The following CHD7 variants were observed in gnomAD, a reference collection of about 807,000 sequenced individuals.
CHD7 encodes the protein ATP-dependent chromatin remodeler CHD7.
In CHD7, 24 loss-of-function variants were observed where a neutral mutation model predicts 307.3. The observed-to-expected ratio is 0.08, with a 90% CI of 0.06 to 0.11. CHD7 has a LOEUF of 0.11. Among genes scored for constraint, CHD7 ranks in the 10% least tolerant of loss-of-function variants. The pLI is 1.00. For missense variants in CHD7, 3,106 were observed against 3,727.1 expected, an observed-to-expected ratio of 0.83 and a Z score of 4.34; for synonymous variants, 1,363 against 1,349.9, an observed-to-expected ratio of 1.01 and a Z score of -0.21.
At chr8:60,740,459 T>C (rs1381503906) in intron 1 of CHD7, among the ~76,000 whole-genome samples, 1 of 152,166 alleles carries the variant, frequency 6.6e-6, no homozygotes, top group Non-Finnish European at 1.5e-5. Flanking sequence ...ATGAGCCTGG[T>C]GATTGGGCTG....
At chr8:60,714,366 C>T (rs1460302592) in intron 1 of CHD7, among the ~76,000 whole-genome samples, 3 of 130,198 alleles carry the variant, frequency 2.3e-5, no homozygotes, top group Non-Finnish European at 3.1e-5. Context: ...ACCGGAAGGC[C>T]GAGCCCCACC....
intron 3 of CHD7, among the ~76,000 whole-genome samples, chr8:60,787,575 G>A (rs1811552232): frequency 6.6e-6 from 1 of 151,928 alleles, no homozygotes; most frequent in South Asian, 2.1e-4. Flanking sequence ...CTTTTTTTAA[G>A]TAAGACAACA....
intron 1 of CHD7, among the ~76,000 whole-genome samples, chr8:60,689,568 G>A (rs749458037): frequency 2.0e-5 from 3 of 152,178 alleles, no homozygotes; most frequent in Non-Finnish European, 2.9e-5. Context: ...AATTGCTTTG[G>A]ATAGTCCCAT....
chr8:60,728,464 C>T (rs1427432776), intron 1 of CHD7, among the ~76,000 whole-genome samples: 2 of 152,148 alleles, frequency 1.3e-5, no homozygotes, highest in African/African-American at 2.4e-5. Context: ...TGGCTAATTC[C>T]ACACCTATTT....
At position 60,865,898 on chromosome 8, in the gene CHD7, G is replaced by A. The variant is rs758498085; in HGVS notation, c.8959G>A (p.Gly2987Arg). ...TGAAGAGCTAGACTCACTTGATGGG[G>A]GGGATGAAATAGAAAACAATGAAAA... is the stretch of plus-strand genomic sequence containing the variant. ...QGEELDSLDGGDEIENNENDE is the reference protein window; with the variant it reads ...QGEELDSLDGRDEIENNENDE The change falls in exon 38 of 38, where the codon GGG becomes AGG. Residue 2987 changes from glycine to arginine, a missense_variant. Gly to Arg is a moderately radical substitution (Grantham distance 125, BLOSUM62 -2). Transcript: ENST00000423902. This position sits in a 1 kb window ranked among gnomAD's most constrained non-coding sequence, Gnocchi z 4.3. 1 of 1,608,844 alleles carries A rather than the reference G, an allele frequency of 6.2e-7. No individual in the cohort carries two copies. The highest frequency in any genetic ancestry group is 8.5e-7 in the Non-Finnish European group (1 of 1,177,514).
intron 2 of CHD7, among the ~76,000 whole-genome samples, chr8:60,766,435 G>A (rs1303243922): frequency 1.3e-5 from 2 of 152,216 alleles, no homozygotes; most frequent in Non-Finnish European, 1.5e-5. Context: ...AACGTGATGC[G>A]ATCTGATTTG....
chr8:60,753,167 GATGCTAAGTAGTATTTC>G lies in CHD7; in HGVS notation c.1665+10073_1665+10089del, dbSNP rs1251969892. Among the ~76,000 whole-genome samples, 6 of 152,182 alleles carry G rather than the reference GATGCTAAGTAGTATTTC, an allele frequency of 3.9e-5. 1 individual carries two copies. Among genetic ancestry groups the G allele is most frequent in the African/African-American group, 1.4e-4 (6 of 41,434 alleles). ...TAGGGAAAGTGTTTTATTTAAGTAA[GATGCTAAGTAGTATTTC>G]ATTTTTGTCATCGATTTCTCTGAAT... On this transcript the variant is annotated intron_variant, in intron 2 of 37. Transcript: ENST00000423902.
Position 60,836,928 on chromosome 8 carries a change from G to A in CHD7, c.4101G>A (p.Arg1367=), listed in dbSNP as rs762108950. Residue 1367 remains arginine (R), a synonymous_variant, in exon 17 of 38, where the codon AGG becomes AGA. Transcript: ENST00000423902. ...GGTTTGTTTTCCTCCTGTGTACAAG[G>A]GCAGGAGGTTTAGGCATTAACCTCA... ...SDRFVFLLCT[R]AGGLGINLTA... is the part of the protein sequence containing the mutation. The A allele has an allele frequency of 5.0e-6, 8 of 1,613,354 alleles. No homozygotes were observed. The South Asian group carries it at 7.7e-5, about 16-fold the overall frequency.
At chr8:60,775,060 C>A (rs1441430461) in intron 2 of CHD7, among the ~76,000 whole-genome samples, 1 of 151,842 alleles carries the variant, frequency 6.6e-6, no homozygotes, top group Non-Finnish European at 1.5e-5. Flanking sequence ...AAAGGTGGCT[C>A]ATGTTAATTT....
intron 2 of CHD7, among the ~76,000 whole-genome samples, chr8:60,754,342 G>T (rs541653716): frequency 3.9e-5 from 6 of 152,192 alleles, no homozygotes; most frequent in Non-Finnish European, 7.3e-5. Flanking sequence ...CGATTATACA[G>T]AATTATGAGA....
chr8:60,789,249 C>T (rs1005836751), intron 3 of CHD7, among the ~76,000 whole-genome samples: 5 of 152,302 alleles, frequency 3.3e-5, no homozygotes, highest in Admixed American at 3.3e-4. Flanking sequence ...GCATCCCATG[C>T]CACAAAAACA....
chr8:60,848,663 A>G (rs1805317401), intron 24 of CHD7, 59 bp downstream of exon 24: 1 of 1,324,442 alleles, frequency 7.6e-7, no homozygotes, highest in African/African-American at 1.4e-5. Context: ...TAGCCGGAAA[A>G]CATCATGGAT....
chr8:60,797,814 A>G (rs1236925316), intron 4 of CHD7, among the ~76,000 whole-genome samples: 1 of 152,234 alleles, frequency 6.6e-6, no homozygotes, highest in African/African-American at 2.4e-5. Flanking sequence ...GGAATGGTAA[A>G]GTGGGCATGA....
chr8:60,704,679 A>G (rs1806932740), intron 1 of CHD7, among the ~76,000 whole-genome samples: 1 of 151,748 alleles, frequency 6.6e-6, no homozygotes, highest in South Asian at 2.1e-4. Context: ...AGAAAGATTT[A>G]GCAGGTAAAA....
chr8:60,764,369 A>C (rs1244091838), intron 2 of CHD7, among the ~76,000 whole-genome samples: 1 of 152,208 alleles, frequency 6.6e-6, no homozygotes, highest in Non-Finnish European at 1.5e-5. Flanking sequence ...ATCACAAGCC[A>C]TTTTGAATTA....
rs576398660 is a variant in CHD7 at position 60,685,917 on chromosome 8, T to C, written c.-175+6835T>C. On this transcript the variant is annotated intron_variant, in intron 1 of 37. Coordinates refer to ENST00000423902, the MANE Select transcript of CHD7 (RefSeq NM_017780.4). ...TGTTTGTATTTTTGTGTTTGCCAGC[T>C]AATATGGGTGATTGCCAGCCAATAT... Among the ~76,000 whole-genome samples the C allele has an allele frequency of 2.0e-5, 3 of 152,342 alleles. No individual in the cohort carries two copies. The South Asian group carries it at 6.2e-4, about 32-fold the overall frequency.
At chr8:60,718,141 T>C (rs754953463) in intron 1 of CHD7, among the ~76,000 whole-genome samples, 3 of 152,158 alleles carry the variant, frequency 2.0e-5, no homozygotes, top group Non-Finnish European at 2.9e-5. Context: ...TCCCAACCTG[T>C]GTAGGTCTAG....
rs1178042244 is a variant in CHD7 at position 60,742,615 on chromosome 8, C to G, written c.1183C>G (p.Pro395Ala). 3.7e-6 allele frequency: 6 copies of G among 1,612,802 alleles called. No individual in the cohort carries two copies. Among genetic ancestry groups the G allele is most frequent in the Non-Finnish European group, 5.1e-6 (6 of 1,179,130 alleles). Residue 395 changes from proline (P) to alanine (A), a missense_variant, in exon 2 of 38, where the codon CCC becomes GCC. Physicochemically the swap from Pro to Ala is conservative, Grantham distance 27. Around this residue, in one of 10 missense-constraint regions of CHD7, gnomAD observed 998 missense variants for 1,004.5 expected, o/e 0.99. Transcript: ENST00000423902. Reference sequence around the variant, plus strand: ...TCAGGGAACTTATGCCTCTCCACCTCCCATGTCACCCATGAAAGCAATGAG... The same window carrying G: ...TCAGGGAACTTATGCCTCTCCACCTGCCATGTCACCCATGAAAGCAATGAG... The part of the protein sequence containing the change: ...QPQGTYASPP[P>A]MSPMKAMSNP...
In CHD7 at chr8:60,856,018, T is replaced by C. The variant is rs777651369; in HGVS notation, c.6980T>C (p.Val2327Ala). Residue 2327 changes from valine to alanine, a missense_variant, in exon 33 of 38, where the codon GTG becomes GCG. By Grantham distance (64) the Val-to-Ala change is moderately conservative. Transcript: ENST00000423902. The stretch of plus-strand genomic sequence containing the variant: ...CGCTTAGACAACATCTGTGAAGCAG[T>C]GTTGAAAGGCAAATGGCCAGTAAAT... ...INRLDNICEA[V>A]LKGKWPVNRR... 1 of 1,611,310 alleles carries C rather than the reference T, an allele frequency of 6.2e-7. No homozygotes were observed. The highest frequency in any genetic ancestry group is 1.1e-5 in the South Asian group (1 of 90,368).
Sources: gnomAD v4.1 joint callset for allele counts (sites outside exome capture counted in the v4.1 genomes callset) on GRCh38, gnomAD v4.1.1 for gene constraint, gnomAD v4.1.1 regional missense constraint, Gnocchi (gnomAD v3.1) non-coding constraint, MANE v1.5 for transcripts, NCBI Gene and HGNC (gene_info 2026-07-23, HGNC 2026-07-21) for gene names.